The following RGS6 variants were observed in gnomAD, a reference collection of about 807,000 sequenced individuals.
RGS6 encodes the protein regulator of G-protein signaling 6.
In RGS6, 30 loss-of-function variants were observed where a neutral mutation model predicts 78.5. The observed-to-expected ratio is 0.38, with a 90% CI of 0.29 to 0.52. The LOEUF (loss-of-function observed/expected upper bound fraction) is 0.52. Among genes scored for constraint, RGS6 ranks in the 20% least tolerant of loss-of-function variants. The pLI is 0.85. For missense variants in RGS6, 495 were observed against 609.7 expected, an observed-to-expected ratio of 0.81 and a Z score of 1.98; for synonymous variants, 206 against 206.0, an observed-to-expected ratio of 1.00 and a Z score of 0.00.
intron 2 of RGS6, among the ~76,000 whole-genome samples, chr14:72,107,245 A>AAC (rs1440762538): frequency 2.0e-5 from 3 of 151,406 alleles, no homozygotes; most frequent in Admixed American, 2.0e-4. Flanking sequence ...GAAAAAAACA[A>AAC]AAAAAAAACA....
Position 72,562,819 on chromosome 14 carries a change from TATC to T in RGS6, c.*353_*355del. The T allele has an allele frequency of 5.1e-6, 7 of 1,381,234 alleles. No homozygotes were observed. The highest frequency in any genetic ancestry group is 7.0e-6 in the Non-Finnish European group (7 of 1,005,706). 85.6% of individuals were successfully genotyped at this position (1,381,234 alleles called of 1,614,324 possible). A position where few individuals can be genotyped will look rare whatever the true frequency, so the allele number is the denominator to read the frequency against. On this transcript the variant is annotated 3_prime_UTR_variant, in exon 18 of 18. Transcript: ENST00000553525. ...CGACTATCACTTGAGATTATATTATTATCCTCACTCCCTCGCTGTCTGGAGACG... is the reference window on the plus strand; with the variant it reads ...CGACTATCACTTGAGATTATATTATTCTCACTCCCTCGCTGTCTGGAGACG...
chr14:72,594,765 A>T, the RGS6 span: 1 of 152,062 alleles, frequency 6.6e-6, no homozygotes, highest in African/African-American at 2.4e-5. Flanking sequence ...CCTTTTATTC[A>T]TGGCGGGAAC....
At chr14:72,077,799 C>G (rs762993596) in intron 2 of RGS6, among the ~76,000 whole-genome samples, 1 of 152,066 alleles carries the variant, frequency 6.6e-6, no homozygotes, top group Non-Finnish European at 1.5e-5. Context: ...TCAAGAAAAC[C>G]CCTAGGGGTA....
chr14:72,171,383 C>T (rs1369469906), intron 2 of RGS6, among the ~76,000 whole-genome samples: 1 of 152,114 alleles, frequency 6.6e-6, no homozygotes, highest in African/African-American at 2.4e-5. Flanking sequence ...CAAGAACTAC[C>T]AGCCTAGTGG....
intron 2 of RGS6, among the ~76,000 whole-genome samples, chr14:72,050,738 CTT>C (rs942182433): frequency 6.6e-6 from 1 of 152,174 alleles, no homozygotes; most frequent in South Asian, 2.1e-4. Flanking sequence ...ATATCCCAGT[CTT>C]TTTTAAACCA....
intron 2 of RGS6, among the ~76,000 whole-genome samples, chr14:72,135,244 T>A (rs376231439): frequency 9.2e-5 from 14 of 152,294 alleles, no homozygotes; most frequent in African/African-American, 2.9e-4. Flanking sequence ...CACAAAAACC[T>A]TGGTCTGAAG....
intron 3 of RGS6, among the ~76,000 whole-genome samples, chr14:72,446,175 C>T (rs1173827463): frequency 2.0e-5 from 3 of 152,162 alleles, no homozygotes; most frequent in Admixed American, 6.5e-5. Context: ...AGGCCTGGGA[C>T]AGATTCTCCC....
chr14:72,310,810 A>C (rs2152458729), intron 2 of RGS6, among the ~76,000 whole-genome samples: 1 of 152,278 alleles, frequency 6.6e-6, no homozygotes, highest in East Asian at 1.9e-4. Context: ...GAACATTAAC[A>C]ATCCAGACCC....
At chr14:71,931,920 AT>A (rs2087894834), upstream of RGS6, among the ~76,000 whole-genome samples, 1 of 152,182 alleles carries the variant, frequency 6.6e-6, no homozygotes, top group Non-Finnish European at 1.5e-5. Flanking sequence ...TGTTGAATAC[AT>A]AAAAATGACG....
chr14:71,920,175 G>A, the RGS6 span, among the ~76,000 whole-genome samples: 4 of 152,116 alleles, frequency 2.6e-5, no homozygotes, highest in Non-Finnish European at 4.4e-5. Flanking sequence ...GCAGGTCTTT[G>A]AGATTAATTA....
intron 9 of RGS6, among the ~76,000 whole-genome samples, chr14:72,473,614 G>T (rs72726147): frequency 6.6e-6 from 1 of 152,050 alleles, no homozygotes; most frequent in East Asian, 1.9e-4. Flanking sequence ...TGTCGAATAC[G>T]GTTAATTCTT....
At chr14:72,045,294 T>C (rs891725806) in intron 2 of RGS6, among the ~76,000 whole-genome samples, 1 of 152,232 alleles carries the variant, frequency 6.6e-6, no homozygotes, top group African/African-American at 2.4e-5. Context: ...TTCTTGCCTT[T>C]TAGCATGCCT....
chr14:72,540,714 G>A (rs2097313884), intron 17 of RGS6: 17 of 1,340,888 alleles, frequency 1.3e-5, no homozygotes, highest in Non-Finnish European at 1.6e-5. Context: ...ATAGGGAGAG[G>A]AGGGAAGTAG....
At chr14:71,926,082 A>C in the RGS6 span, among the ~76,000 whole-genome samples, 1 of 152,238 alleles carries the variant, frequency 6.6e-6, no homozygotes, top group Non-Finnish European at 1.5e-5. Flanking sequence ...CAAAATGTAT[A>C]TGCTACCCAA....
At chr14:71,873,446 A>T in the RGS6 span, among the ~76,000 whole-genome samples, 1 of 152,176 alleles carries the variant, frequency 6.6e-6, no homozygotes, top group Non-Finnish European at 1.5e-5. Context: ...TCTTCTTTTG[A>T]GGAGTGTCTG....
chr14:72,277,128 AG>A (rs2060804773), intron 2 of RGS6, among the ~76,000 whole-genome samples: 1 of 152,210 alleles, frequency 6.6e-6, no homozygotes, highest in Non-Finnish European at 1.5e-5. Context: ...CAACACTGCA[AG>A]TGGTGGCAAG....
At chr14:72,548,348 C>CGCGCGCGT (rs141987560) in intron 17 of RGS6, among the ~76,000 whole-genome samples, 28 of 129,558 alleles carry the variant, frequency 2.2e-4, no homozygotes, top group East Asian at 9.9e-4. Context: ...TGTGTGCGCG[C>CGCGCGCGT]GTGTGTGTGT....
At chr14:72,086,203 A>G (rs1391998046) in intron 2 of RGS6, among the ~76,000 whole-genome samples, 3 of 152,320 alleles carry the variant, frequency 2.0e-5, no homozygotes, top group South Asian at 4.1e-4. Context: ...CCCTTGCCCT[A>G]CTGATAACAT....
At chr14:71,981,975 A>T (rs542772210) in intron 2 of RGS6, among the ~76,000 whole-genome samples, 73 of 152,098 alleles carry the variant, frequency 4.8e-4, no homozygotes, top group African/African-American at 1.7e-3. Context: ...CAGGTGTGGG[A>T]TATAATCTCG....
Sources: allele counts gnomAD v4.1 joint callset (sites outside exome capture counted in the v4.1 genomes callset), GRCh38; gene constraint gnomAD v4.1.1; transcripts MANE v1.5; gene names NCBI Gene and HGNC (gene_info 2026-07-23, HGNC 2026-07-21).